Variants in AP4M1 observed in about 807,000 individuals in gnomAD.
The protein encoded by AP4M1 is AP-4 complex subunit mu-1.
Under a neutral mutation model 62.4 loss-of-function variants are expected in AP4M1, and 58 were observed. That is an observed-to-expected ratio of 0.93 (90% CI 0.75 to 1.16). The LOEUF is 1.16. AP4M1 is among the 50% of genes most tolerant of loss of function. AP4M1 has a pLI of 0.00. For missense variants in AP4M1, 626 were observed against 585.4 expected (o/e 1.07, Z -0.72); for synonymous variants, 290 against 239.7 (o/e 1.21, Z -1.94).
Position 100,107,733 on chromosome 7 carries a change from C to G in AP4M1, c.*851C>G. 1.3e-6 allele frequency: 2 copies of G among 1,487,432 alleles called. No homozygotes were observed. The highest frequency in any genetic ancestry group is 2.4e-5 in the East Asian group (1 of 42,492). The allele number at this position is 1,487,432 out of a possible 1,614,324, so 92.1% of individuals were successfully genotyped here. A position where few individuals can be genotyped will look rare whatever the true frequency, so the allele number is the denominator to read the frequency against. The stretch of plus-strand genomic sequence containing the variant: ...GCCTGAACAAGTTGTTCCTGTAGTT[C>G]ACCCTGTAGACAGCTATGGCTGGAG... On this transcript the variant is annotated 3_prime_UTR_variant, in exon 15 of 15. Coordinates refer to ENST00000359593, the MANE Select transcript of AP4M1 (RefSeq NM_004722.4).
At position 100,104,861 on chromosome 7, in the gene AP4M1, C is replaced by A. The variant is rs767208581; in HGVS notation, c.607-13C>A. 1 of 1,614,046 alleles carries A rather than the reference C, an allele frequency of 6.2e-7. No homozygotes were observed. The highest frequency in any genetic ancestry group is 8.5e-7 in the Non-Finnish European group (1 of 1,179,986). On this transcript the variant is annotated splice_polypyrimidine_tract_variant and intron_variant, in intron 7 of 14. Transcript: ENST00000359593. ...GAAAAAAAGACTCTAACCTTGACGC[C>A]CCTGCCTCTCAGGGATCCCTGCTGA...
At chr7:100,106,153 G>A (rs1203251947) in intron 12 of AP4M1, 88 bp from the exon 13 acceptor site, 1 of 1,567,268 alleles carries the variant, frequency 6.4e-7, no homozygotes, top group Non-Finnish European at 8.8e-7. Context: ...GGGGGCACCT[G>A]TGCTGAAATC....
upstream of AP4M1, chr7:100,101,584 C>G: frequency 2.9e-6 from 3 of 1,017,356 alleles, no homozygotes; most frequent in Non-Finnish European, 4.6e-6. Flanking sequence ...GGGTTTCCCG[C>G]GGTCCGAGCT....
At position 100,107,737 on chromosome 7, in the gene AP4M1, C is replaced by A; in HGVS notation, c.*855C>A. ...GAACAAGTTGTTCCTGTAGTTCACC[C>A]TGTAGACAGCTATGGCTGGAGACCT... On this transcript the variant is annotated 3_prime_UTR_variant, in exon 15 of 15. Coordinates refer to ENST00000359593, the MANE Select transcript of AP4M1 (RefSeq NM_004722.4). 2 of 1,469,010 alleles carry A rather than the reference C, an allele frequency of 1.4e-6. No individual in the cohort carries two copies. The highest frequency in any genetic ancestry group is 2.5e-5 in the Admixed American group (1 of 39,914). 91.0% of individuals were successfully genotyped at this position (1,469,010 alleles called of 1,614,324 possible). A position where few individuals can be genotyped will look rare whatever the true frequency, so the allele number is the denominator to read the frequency against.
chr7:100,101,437 G>T, upstream of AP4M1: 2 of 1,145,466 alleles, frequency 1.7e-6, no homozygotes, highest in East Asian at 2.4e-5. Flanking sequence ...GCGCCACTGC[G>T]TGCGGGCCAA....
chr7:100,107,220 G>A lies in AP4M1; in HGVS notation c.*338G>A, dbSNP rs1291879653. The A allele has an allele frequency of 1.3e-6, 2 of 1,518,700 alleles. No homozygotes were observed. Among genetic ancestry groups the A allele is most frequent in the East Asian group, 4.5e-5 (2 of 44,130 alleles). 94.1% of individuals were successfully genotyped at this position (1,518,700 alleles called of 1,614,324 possible). A position where few individuals can be genotyped will look rare whatever the true frequency, so the allele number is the denominator to read the frequency against. ...CGTGTGTACATGTCTGCATGTGTGG[G>A]AATCCGGGGGCTGGCAGGTGGAGCA... On this transcript the variant is annotated 3_prime_UTR_variant, in exon 15 of 15. Transcript: ENST00000359593.
In AP4M1 at chr7:100,103,384, C is replaced by T. The variant is rs1472553776; in HGVS notation, c.352-25C>T. ...TTACCCCTTCCCTCCACTGATCACT[C>T]AGACTGTCCTTCCTTTACCACTAGG... On this transcript the variant is annotated intron_variant, in intron 4 of 14. Transcript: ENST00000359593. 3 of 1,597,876 alleles carry T rather than the reference C, an allele frequency of 1.9e-6. No individual in the cohort carries two copies. In the African/African-American group the frequency reaches 4.0e-5, roughly 21 times the overall value.
chr7:100,106,274 G>A lies in AP4M1; in HGVS notation c.1008G>A (p.Leu336=). 1.2e-6 allele frequency: 2 copies of A among 1,614,050 alleles called. No individual in the cohort carries two copies. The highest frequency in any genetic ancestry group is 1.1e-5 in the South Asian group (1 of 91,082). The change falls in exon 13 of 15, where the codon CTG becomes CTA. Residue 336 remains leucine (L), a synonymous_variant. Coordinates refer to ENST00000359593, the MANE Select transcript of AP4M1 (RefSeq NM_004722.4). ...TCAATGTCAGGCTGCACCTCCCCCT[G>A]CCTCGAGGGGTGGTCAGGTGAGTGT... ...QALNVRLHLP[L]PRGVVSLSQE...
Position 100,107,045 on chromosome 7 carries a change from C to G in AP4M1, c.*163C>G. 3 of 1,201,656 alleles carry G rather than the reference C, an allele frequency of 2.5e-6. No individual in the cohort carries two copies. Among genetic ancestry groups the G allele is most frequent in the Admixed American group, 2.0e-5 (1 of 49,874 alleles). 74.4% of individuals were successfully genotyped at this position (1,201,656 alleles called of 1,614,324 possible). On this transcript the variant is annotated 3_prime_UTR_variant, in exon 15 of 15. Coordinates refer to ENST00000359593, the MANE Select transcript of AP4M1 (RefSeq NM_004722.4). ...AATGGGCCCAGCCTTTCTGTGGTAT[C>G]TGATGCAGGAAGGACTGCAGTGGAT... is the stretch of plus-strand genomic sequence containing the variant.
At position 100,105,273 on chromosome 7, in the gene AP4M1, C is replaced by T. The variant is rs553061919; in HGVS notation, c.761C>T (p.Ser254Leu). 2.0e-5 allele frequency: 33 copies of T among 1,614,138 alleles called. No individual in the cohort carries two copies. The South Asian group carries it at 2.2e-4, about 11-fold the overall frequency. ...CCAGGAATCCGGGTCGATGAAGTCT[C>T]GTTTCACAGCTCTGTGAATCTGGAC... ...YGPGIRVDEV[S>L]FHSSVNLDEF... Residue 254 changes from serine to leucine, a missense_variant, in exon 10 of 15, where the codon TCG becomes TTG. Physicochemically the swap from Ser to Leu is moderately radical, Grantham distance 145. Transcript: ENST00000359593.
chr7:100,104,777 G>C, intron 7 of AP4M1, 97 bp from the exon 8 acceptor site: 1 of 1,379,216 alleles, frequency 7.3e-7, no homozygotes, highest in Non-Finnish European at 1.0e-6. Context: ...GTTGCAGTGA[G>C]CCGAGATCAC....
chr7:100,102,648 CCT>C (rs1796147692), intron 2 of AP4M1, 25 bp from the exon 3 acceptor site: 1 of 1,606,212 alleles, frequency 6.2e-7, no homozygotes, highest in African/African-American at 1.3e-5. Context: ...TTTTTTAACG[CCT>C]CTCTTCTCCC....
upstream of AP4M1, chr7:100,101,402 C>A: frequency 6.8e-7 from 1 of 1,476,364 alleles, no homozygotes. Flanking sequence ...GAAATTGGCG[C>A]GAAACGTCGC....
chr7:100,101,383 C>G (rs1183769095), upstream of AP4M1: 21 of 1,571,820 alleles, frequency 1.3e-5, 2 homozygotes, highest in Middle Eastern at 1.3e-3. Flanking sequence ...GGACTGTGGC[C>G]GGCCAACCGA....
Position 100,107,979 on chromosome 7 carries a change from G to A in AP4M1, c.*1097G>A, listed in dbSNP as rs1442427038. 6.2e-7 allele frequency: 1 copy of A among 1,613,940 alleles called. No homozygotes were observed. Among genetic ancestry groups the A allele is most frequent in the Non-Finnish European group, 8.5e-7 (1 of 1,179,988 alleles). Reference sequence around the variant, plus strand: ...GATGACATTACAATAAACTTGGTTGGAGGAGGGGAAGGCTGTGGTGGGGCA... The same window carrying A: ...GATGACATTACAATAAACTTGGTTGAAGGAGGGGAAGGCTGTGGTGGGGCA... On this transcript the variant is annotated 3_prime_UTR_variant, in exon 15 of 15. Transcript: ENST00000359593.
At position 100,103,450 on chromosome 7, in the gene AP4M1, G is replaced by T. The variant is rs200912013; in HGVS notation, c.393G>T (p.Arg131Ser). ...AGACCACATCCACGGAGATGCTGAG[G>T]AATTTCATCCAGACGGAAGCTGTGG... ...YVQTTSTEMLRNFIQTEAVVS... is the reference protein window; with the variant it reads ...YVQTTSTEMLSNFIQTEAVVS... The change falls in exon 5 of 15, where the codon AGG becomes AGT. Residue 131 changes from arginine to serine, a missense_variant. Transcript: ENST00000359593. 1.2e-6 allele frequency: 2 copies of T among 1,614,120 alleles called. No homozygotes were observed. The highest frequency in any genetic ancestry group is 1.3e-5 in the African/African-American group (1 of 75,038).
rs752264011 is a variant in AP4M1 at position 100,107,668 on chromosome 7, G to GC, written c.*792dup. On this transcript the variant is annotated 3_prime_UTR_variant, in exon 15 of 15. Transcript: ENST00000359593. ...AGGCCGCTTGCCCTGTGCCCTCCCT[G>GC]CCCCCCAGAGGCCTGGCGAGGACGC... 16 of 1,595,334 alleles carry GC rather than the reference G, an allele frequency of 1.0e-5. No individual in the cohort carries two copies. In the African/African-American group the frequency reaches 1.8e-4, roughly 18 times the overall value.
In AP4M1 at chr7:100,104,897, G is replaced by A. The variant is rs537780447; in HGVS notation, c.630G>A (p.Val210=). 4.5e-5 allele frequency: 72 copies of A among 1,614,180 alleles called. No homozygotes were observed. In the African/African-American group the frequency reaches 4.7e-4, roughly 10 times the overall value. The part of the protein sequence containing the change: ...ASNGSLLKVD[V]QGEIRLKSFL... ...AGGGATCCCTGCTGAAGGTGGATGT[G>A]CAGGGAGAGATTCGGCTCAAGAGCT... Residue 210 remains valine, a synonymous_variant, in exon 8 of 15, where the codon GTG becomes GTA. Transcript: ENST00000359593.
At chr7:100,105,784 GAAAAA>G (rs35827619) in intron 11 of AP4M1, among the ~76,000 whole-genome samples, 170 bp from the exon 12 acceptor site, 2 of 145,500 alleles carry the variant, frequency 1.4e-5, no homozygotes, top group East Asian at 2.0e-4. Flanking sequence ...CCATCTCTCT[GAAAAA>G]AAAAAAAAGG....
Sources: allele counts gnomAD v4.1 joint callset (sites outside exome capture counted in the v4.1 genomes callset), GRCh38; gene constraint gnomAD v4.1.1; transcripts MANE v1.5; gene names NCBI Gene and HGNC (gene_info 2026-07-23, HGNC 2026-07-21).